The following EYS variants were observed in gnomAD, a reference collection of about 807,000 sequenced individuals.
EYS encodes EGF-like photoreceptor maintenance factor, also known as protein eyes shut homolog.
Under a neutral mutation model 282.1 loss-of-function variants are expected in EYS, and 250 were observed. The observed-to-expected ratio is 0.89, with a 90% confidence interval of 0.80 to 0.98. EYS has a LOEUF of 0.98. EYS is among the 50% of genes least tolerant of loss of function. The pLI is 0.00. For missense variants in EYS, 4,016 were observed against 3,709.0 expected, an observed-to-expected ratio of 1.08 and a Z score of -2.15; for synonymous variants, 1,355 against 1,282.9, an observed-to-expected ratio of 1.06 and a Z score of -1.20.
intron 12 of EYS, among the ~76,000 whole-genome samples, chr6:65,064,481 A>T (rs1464635878): frequency 6.8e-6 from 1 of 146,538 alleles, no homozygotes; most frequent in Non-Finnish European, 1.5e-5. Context: ...TATATGATAT[A>T]TAGTATATAT....
At chr6:64,967,250 A>G (rs993392192) in intron 14 of EYS, among the ~76,000 whole-genome samples, 1 of 151,872 alleles carries the variant, frequency 6.6e-6, no homozygotes, top group African/African-American at 2.4e-5. Context: ...GACTCTGCTT[A>G]TTTTTACCAT....
chr6:64,337,674 CA>C (rs1161009875), intron 29 of EYS, among the ~76,000 whole-genome samples: 3 of 151,620 alleles, frequency 2.0e-5, no homozygotes, highest in Admixed American at 1.3e-4. Flanking sequence ...AGGACATAAC[CA>C]AAAAAGAAAA....
chr6:63,721,202 C>G lies in EYS; in HGVS notation c.8829G>C (p.Trp2943Cys). 1.3e-6 allele frequency: 2 copies of G among 1,551,582 alleles called. No homozygotes were observed. The highest frequency in any genetic ancestry group is 1.7e-6 in the Non-Finnish European group (2 of 1,146,906). Residue 2943 changes from tryptophan (W) to cysteine (C), a missense_variant, in exon 43 of 43, where the codon TGG becomes TGC. Transcript: ENST00000503581. ...TTTTGTTTTCACAATACCTTCCCAC[C>G]CAACCCAAAGTACACAGGCAACTGT... ...FSYSCLCTLG[W>C]VGRYCENKTS...
intron 22 of EYS, among the ~76,000 whole-genome samples, chr6:64,771,643 T>C (rs1773525294): frequency 6.6e-6 from 1 of 151,778 alleles, no homozygotes; most frequent in African/African-American, 2.4e-5. Flanking sequence ...ACTTTCATCT[T>C]AGGAATTCTG....
At chr6:64,350,804 C>A (rs1231214893) in intron 29 of EYS, among the ~76,000 whole-genome samples, 2 of 151,472 alleles carry the variant, frequency 1.3e-5, no homozygotes, top group East Asian at 2.0e-4. Flanking sequence ...GAATTGTAAT[C>A]CAAATTGTAA....
In EYS at chr6:65,052,372, TA is replaced by T. The variant is rs1195543646; in HGVS notation, c.2137+5241del. Among the ~76,000 whole-genome samples, 3 of 151,588 alleles carry T rather than the reference TA, an allele frequency of 2.0e-5. No individual in the cohort carries two copies. In the Admixed American group the frequency reaches 2.0e-4, roughly 10 times the overall value. ...TTTACACTCAAAACATAAAATCCCC[TA>T]CTTAATACATTTTGTATATCAAGAC... On this transcript the variant is annotated intron_variant, in intron 13 of 42. Coordinates refer to ENST00000503581, the MANE Select transcript of EYS (RefSeq NM_001142800.2).
intron 22 of EYS, among the ~76,000 whole-genome samples, chr6:64,763,162 G>A (rs960553159): frequency 2.6e-5 from 4 of 152,198 alleles, no homozygotes; most frequent in African/African-American, 9.6e-5. Flanking sequence ...AAATGCAAAA[G>A]CAATAAAGTT....
chr6:64,361,357 C>T (rs1363263579), intron 29 of EYS, among the ~76,000 whole-genome samples: 1 of 151,432 alleles, frequency 6.6e-6, no homozygotes, highest in African/African-American at 2.4e-5. Context: ...ATGATAACTA[C>T]TAAAGGAATG....
At chr6:63,950,996 G>A (rs1364963971) in intron 35 of EYS, among the ~76,000 whole-genome samples, 1 of 152,068 alleles carries the variant, frequency 6.6e-6, no homozygotes, top group Non-Finnish European at 1.5e-5. Flanking sequence ...CATTTCAGAG[G>A]TGTCTGATCA....
At chr6:64,319,475 T>C (rs1432736708) in intron 29 of EYS, among the ~76,000 whole-genome samples, 2 of 152,054 alleles carry the variant, frequency 1.3e-5, no homozygotes, top group Non-Finnish European at 2.9e-5. Flanking sequence ...CAACTGTGAA[T>C]AGGGCTTCTG....
chr6:64,453,492 C>T (rs1174112454), intron 26 of EYS, among the ~76,000 whole-genome samples: 1 of 152,172 alleles, frequency 6.6e-6, no homozygotes, highest in East Asian at 1.9e-4. Flanking sequence ...TTTGACCCTG[C>T]CATCCCATTA....
At chr6:65,292,592 C>A (rs1156484007) in intron 12 of EYS, among the ~76,000 whole-genome samples, 2 of 151,666 alleles carry the variant, frequency 1.3e-5, no homozygotes, top group Admixed American at 6.6e-5. Context: ...TAAAGTACCC[C>A]CTTTAGGTAC....
chr6:65,287,227 A>C (rs1768391803), intron 12 of EYS, among the ~76,000 whole-genome samples: 1 of 151,542 alleles, frequency 6.6e-6, no homozygotes, highest in Non-Finnish European at 1.5e-5. Context: ...AATGGTGCTC[A>C]CACCTATAAT....
chr6:65,118,877 G>GAA (rs1561975340), intron 12 of EYS, among the ~76,000 whole-genome samples: 2 of 89,188 alleles, frequency 2.2e-5, no homozygotes, highest in African/African-American at 1.1e-4. Context: ...GGTTCTTTAA[G>GAA]GAAAAAAAAA....
At chr6:65,686,527 CACAT>C (rs1338150081) in intron 1 of EYS, among the ~76,000 whole-genome samples, 2 of 152,054 alleles carry the variant, frequency 1.3e-5, no homozygotes, top group Non-Finnish European at 2.9e-5. Flanking sequence ...CACACACAAA[CACAT>C]ACGAATACAT....
At chr6:63,976,435 T>C (rs1444293304) in intron 35 of EYS, among the ~76,000 whole-genome samples, 1 of 152,066 alleles carries the variant, frequency 6.6e-6, no homozygotes, top group African/African-American at 2.4e-5. Context: ...TTAATACTGT[T>C]AATTAGACCA....
intron 34 of EYS, among the ~76,000 whole-genome samples, chr6:63,995,204 C>T (rs1166525075): frequency 6.6e-6 from 1 of 151,810 alleles, no homozygotes; most frequent in Non-Finnish European, 1.5e-5. Flanking sequence ...AGCAGACAAA[C>T]AAAACCCCAG....
chr6:64,332,433 T>C (rs1380685765), intron 29 of EYS, among the ~76,000 whole-genome samples: 1 of 152,210 alleles, frequency 6.6e-6, no homozygotes. Flanking sequence ...CTGGAGACTC[T>C]GTCTGGGTCA....
chr6:64,450,149 G>T (rs756082140), intron 26 of EYS, among the ~76,000 whole-genome samples: 3 of 151,822 alleles, frequency 2.0e-5, no homozygotes, highest in Non-Finnish European at 4.4e-5. Context: ...TCAAAATAAA[G>T]GGATGGAAGA....
Sources: gnomAD v4.1 joint callset for allele counts (sites outside exome capture counted in the v4.1 genomes callset) on GRCh38, gnomAD v4.1.1 for gene constraint, MANE v1.5 for transcripts, NCBI Gene and HGNC (gene_info 2026-07-23, HGNC 2026-07-21) for gene names.